Variants in WWOX observed in about 807,000 individuals in gnomAD.
WWOX encodes WW domain containing oxidoreductase.
A neutral mutation model predicts 46.2 loss-of-function variants in WWOX; 69 were observed. The observed-to-expected ratio is 1.49, with a 90% CI of 1.23 to 1.82. The LOEUF is 1.82. WWOX is among the 40% of genes most tolerant of loss of function. WWOX has a pLI of 0.00. For missense variants in WWOX, 919 were observed against 542.6 expected (o/e 1.69, Z -6.89); for synonymous variants, 359 against 202.6 (o/e 1.77, Z -6.56).
chr16:78,212,086 G>A (rs544593117), intron 5 of WWOX, among the ~76,000 whole-genome samples: 2 of 152,320 alleles, frequency 1.3e-5, no homozygotes, highest in African/African-American at 4.8e-5. Flanking sequence ...TGAGCATCCT[G>A]TTTGGAATGC....
intron 8 of WWOX, among the ~76,000 whole-genome samples, chr16:78,606,091 C>T (rs764744358): frequency 1.3e-4 from 20 of 152,156 alleles, no homozygotes; most frequent in African/African-American, 2.4e-4. Context: ...GTTCAGTTTA[C>T]GCTTAACATT....
chr16:78,408,753 C>A (rs2082606054), intron 6 of WWOX, among the ~76,000 whole-genome samples: 1 of 152,048 alleles, frequency 6.6e-6, no homozygotes, highest in African/African-American at 2.4e-5. Flanking sequence ...GGGAAGAATT[C>A]CTGGAGAAAG....
At chr16:78,859,516 G>A (rs779587314) in intron 8 of WWOX, among the ~76,000 whole-genome samples, 4 of 152,120 alleles carry the variant, frequency 2.6e-5, no homozygotes, top group Non-Finnish European at 5.9e-5. Context: ...TTTATCATTA[G>A]CACCCATTCC....
chr16:78,642,892 G>A (rs2046754046), intron 8 of WWOX, among the ~76,000 whole-genome samples: 1 of 152,110 alleles, frequency 6.6e-6, no homozygotes, highest in Non-Finnish European at 1.5e-5. Context: ...CCAAATTATG[G>A]CACTCATCCT....
Position 78,967,206 on chromosome 16 carries a change from A to G in WWOX, c.1057-244402A>G, listed in dbSNP as rs529210550. Reference sequence around the variant, plus strand: ...GAGATACCTGGAAGGAAAGAGGAAAATGCGTGATTCAAATCATGTTGCAAG... The same window carrying G: ...GAGATACCTGGAAGGAAAGAGGAAAGTGCGTGATTCAAATCATGTTGCAAG... On this transcript the variant is annotated intron_variant, in intron 8 of 8. Coordinates refer to ENST00000566780, the MANE Select transcript of WWOX (RefSeq NM_016373.4). Among the ~76,000 whole-genome samples, 3 of 151,624 alleles carry G rather than the reference A, an allele frequency of 2.0e-5. No homozygotes were observed. The East Asian group carries it at 5.8e-4, about 29-fold the overall frequency.
intron 8 of WWOX, among the ~76,000 whole-genome samples, chr16:78,938,102 G>T (rs928286704): frequency 2.6e-5 from 4 of 152,180 alleles, no homozygotes; most frequent in Admixed American, 2.6e-4. Context: ...CTCAGACCCT[G>T]TGATTTTATT....
At chr16:78,878,681 A>T (rs1379199640) in intron 8 of WWOX, among the ~76,000 whole-genome samples, 1 of 151,958 alleles carries the variant, frequency 6.6e-6, no homozygotes, top group African/African-American at 2.4e-5. Flanking sequence ...TTTATTCCTT[A>T]ATTTCCTTTA....
intron 8 of WWOX, among the ~76,000 whole-genome samples, chr16:78,574,147 A>T (rs1406975454): frequency 6.6e-6 from 1 of 152,172 alleles, no homozygotes; most frequent in East Asian, 1.9e-4. Context: ...GTTCCTGAAT[A>T]TCTGGGCTTT....
chr16:78,429,452 G>C (rs1319234462), intron 7 of WWOX, among the ~76,000 whole-genome samples: 1 of 152,168 alleles, frequency 6.6e-6, no homozygotes, highest in African/African-American at 2.4e-5. Context: ...GTTCATTATG[G>C]AGAGCTTCCT....
chr16:79,077,374 G>C (rs543127484), intron 8 of WWOX: 2 of 152,222 alleles, frequency 1.3e-5, no homozygotes, highest in African/African-American at 4.8e-5. Flanking sequence ...GGCCGGTCCC[G>C]ACAATGTGTG....
chr16:78,713,273 CAAAAAA>C lies in WWOX; in HGVS notation c.1056+280544_1056+280549del, dbSNP rs5818165. Among the ~76,000 whole-genome samples the C allele has an allele frequency of 2.6e-3, 44 of 17,036 alleles. No individual in the cohort carries two copies. The East Asian group carries it at 0.046, about 18-fold the overall frequency. 11.2% of individuals were successfully genotyped at this position (17,036 alleles called of 152,430 possible). A position where few individuals can be genotyped will look rare whatever the true frequency, so the allele number is the denominator to read the frequency against. On this transcript the variant is annotated intron_variant, in intron 8 of 8. Transcript: ENST00000566780. ...TGGGTGACAAAGTGAGACTCTGTCT[CAAAAAA>C]AAAAAAAAAAAAAAAAAAAAAAGCT...
intron 8 of WWOX, among the ~76,000 whole-genome samples, chr16:78,874,993 C>G (rs139847460): frequency 1.3e-5 from 2 of 152,246 alleles, no homozygotes; most frequent in South Asian, 2.1e-4. Flanking sequence ...CCTTTGAGGA[C>G]TTGGCCTCTT....
chr16:78,937,371 T>A (rs920768895), intron 8 of WWOX, among the ~76,000 whole-genome samples: 1 of 151,958 alleles, frequency 6.6e-6, no homozygotes, highest in Non-Finnish European at 1.5e-5. Context: ...CCTTTTTCTT[T>A]GAGTATGTGT....
intron 8 of WWOX, among the ~76,000 whole-genome samples, chr16:79,192,527 G>A (rs1289065375): frequency 6.6e-6 from 1 of 152,172 alleles, no homozygotes. Context: ...AAGATGTGAG[G>A]TTGTACCTGG....
At chr16:78,487,876 C>T (rs554807389) in intron 8 of WWOX, among the ~76,000 whole-genome samples, 1 of 152,154 alleles carries the variant, frequency 6.6e-6, no homozygotes, top group Non-Finnish European at 1.5e-5. Context: ...GGGCATAAGG[C>T]AACCTTATGT....
At chr16:79,136,880 A>G (rs1392625220) in intron 8 of WWOX, among the ~76,000 whole-genome samples, 1 of 152,226 alleles carries the variant, frequency 6.6e-6, no homozygotes, top group Non-Finnish European at 1.5e-5. Context: ...GCAATATGAA[A>G]TTATGTGTAA....
chr16:78,702,463 C>T (rs913798737), intron 8 of WWOX, among the ~76,000 whole-genome samples: 1 of 150,792 alleles, frequency 6.6e-6, no homozygotes, highest in Non-Finnish European at 1.5e-5. Context: ...CCAGCCTGGC[C>T]AACATGATAA....
At chr16:79,148,055 C>G (rs1443927603) in intron 8 of WWOX, among the ~76,000 whole-genome samples, 1 of 152,084 alleles carries the variant, frequency 6.6e-6, no homozygotes, top group Admixed American at 6.6e-5. Context: ...TGGACATTTG[C>G]AAAATAAAAG....
intron 5 of WWOX, among the ~76,000 whole-genome samples, chr16:78,306,705 C>T (rs1055445773): frequency 6.6e-6 from 1 of 151,926 alleles, no homozygotes; most frequent in Non-Finnish European, 1.5e-5. Flanking sequence ...TCCCACAATT[C>T]CCTGTGAATT....
Sources: allele counts gnomAD v4.1 joint callset (sites outside exome capture counted in the v4.1 genomes callset), GRCh38; gene constraint gnomAD v4.1.1; transcripts MANE v1.5; gene names NCBI Gene and HGNC (gene_info 2026-07-23, HGNC 2026-07-21).